Variants in PDGFD observed in about 807,000 individuals in gnomAD.
The protein encoded by PDGFD is platelet-derived growth factor D.
Under a neutral mutation model 44.7 loss-of-function variants are expected in PDGFD, and 30 were observed. The observed-to-expected ratio is 0.67, with a 90% confidence interval of 0.50 to 0.91. The LOEUF is 0.91. Ranked by LOEUF, PDGFD falls within the 40% of genes least tolerant of loss-of-function variation. PDGFD has a pLI of 0.00. For missense variants in PDGFD, 445 were observed against 457.8 expected (o/e 0.97, Z 0.25); for synonymous variants, 173 against 168.4 (o/e 1.03, Z -0.21).
chr11:104,119,109 T>TTGG (rs1861702989), intron 1 of PDGFD, among the ~76,000 whole-genome samples: 2 of 64,258 alleles, frequency 3.1e-5, no homozygotes, highest in African/African-American at 1.3e-4. Flanking sequence ...ATATAATATA[T>TTGG]TAATATAATA....
chr11:103,927,955 C>T (rs571043882), intron 5 of PDGFD, among the ~76,000 whole-genome samples: 2 of 152,336 alleles, frequency 1.3e-5, no homozygotes, highest in African/African-American at 2.4e-5. Context: ...CCCCCTCTCA[C>T]ATTCTTTTCC....
At chr11:103,919,029 A>C (rs1206297939) in intron 6 of PDGFD, among the ~76,000 whole-genome samples, 5 of 152,300 alleles carry the variant, frequency 3.3e-5, no homozygotes, top group Non-Finnish European at 7.3e-5. Context: ...GGAAGCACAC[A>C]ACCAGAAATA....
chr11:103,968,995 T>C (rs1256599324), intron 3 of PDGFD, among the ~76,000 whole-genome samples: 1 of 152,224 alleles, frequency 6.6e-6, no homozygotes. Flanking sequence ...ATTTATCTAA[T>C]TCCACTTCAT....
intron 1 of PDGFD, among the ~76,000 whole-genome samples, chr11:104,079,577 TG>T (rs1305736135): frequency 3.9e-5 from 6 of 151,952 alleles, no homozygotes; most frequent in Non-Finnish European, 8.8e-5. Flanking sequence ...TTAGTAGAGA[TG>T]GGGTTTCACT....
At chr11:104,042,682 CG>C (rs1325939517) in intron 1 of PDGFD, among the ~76,000 whole-genome samples, 2 of 152,036 alleles carry the variant, frequency 1.3e-5, no homozygotes, top group Non-Finnish European at 2.9e-5. Context: ...ATTTTTCTAC[CG>C]TTAATCAATG....
At chr11:104,002,628 T>C (rs1420899781) in intron 1 of PDGFD, among the ~76,000 whole-genome samples, 1 of 152,180 alleles carries the variant, frequency 6.6e-6, no homozygotes, top group Non-Finnish European at 1.5e-5. Flanking sequence ...GTTTTCTAGG[T>C]TGACTGATTT....
At chr11:104,017,104 G>A (rs1012036525) in intron 1 of PDGFD, among the ~76,000 whole-genome samples, 1 of 152,158 alleles carries the variant, frequency 6.6e-6, no homozygotes, top group African/African-American at 2.4e-5. Context: ...GCTCCAGAGA[G>A]ATTCCTAAAC....
chr11:104,026,453 T>A (rs113542980), intron 1 of PDGFD, among the ~76,000 whole-genome samples: 1 of 151,654 alleles, frequency 6.6e-6, no homozygotes, highest in African/African-American at 2.4e-5. Flanking sequence ...GACATATAGT[T>A]TATAAATATA....
chr11:104,043,557 A>G (rs1216643542), intron 1 of PDGFD, among the ~76,000 whole-genome samples: 1 of 152,178 alleles, frequency 6.6e-6, no homozygotes, highest in African/African-American at 2.4e-5. Flanking sequence ...CAATTGTACT[A>G]GTTCATATTG....
At chr11:104,074,926 T>G (rs1860933539) in intron 1 of PDGFD, among the ~76,000 whole-genome samples, 1 of 152,200 alleles carries the variant, frequency 6.6e-6, no homozygotes, top group African/African-American at 2.4e-5. Context: ...ATAAATTATT[T>G]AATTAGATAA....
intron 1 of PDGFD, among the ~76,000 whole-genome samples, chr11:104,140,127 G>C (rs1285174037): frequency 6.6e-6 from 1 of 152,042 alleles, no homozygotes; most frequent in Admixed American, 6.6e-5. Flanking sequence ...AAAAACCAAA[G>C]GAAATACCAG....
intron 5 of PDGFD, among the ~76,000 whole-genome samples, chr11:103,937,284 G>GAAAAC (rs1465073281): frequency 6.6e-6 from 1 of 152,062 alleles, no homozygotes; most frequent in East Asian, 1.9e-4. Context: ...CACAAGCTTT[G>GAAAAC]AAAACAGGTT....
chr11:103,996,157 T>G lies in PDGFD; in HGVS notation c.418A>C (p.Ile140Leu). The G allele has an allele frequency of 6.2e-7, 1 of 1,613,764 alleles. No homozygotes were observed. The highest frequency in any genetic ancestry group is 8.5e-7 in the Non-Finnish European group (1 of 1,179,762). Reference sequence around the variant, plus strand: ...TTAATTTGGTTCGTTCTTGATTTTATCCTTGGAGGAACTTCCTTGTGTCCA... The same window carrying G: ...TTAATTTGGTTCGTTCTTGATTTTAGCCTTGGAGGAACTTCCTTGTGTCCA... ...WCGHKEVPPR[I>L]KSRTNQIKIT... The change falls in exon 3 of 7, where the codon ATA becomes CTA. Residue 140 changes from isoleucine (I) to leucine (L), a missense_variant. Physicochemically the swap from Ile to Leu is conservative, Grantham distance 5. Coordinates refer to ENST00000393158, the MANE Select transcript of PDGFD (RefSeq NM_025208.5).
At chr11:103,992,899 C>T (rs1301324121) in intron 3 of PDGFD, among the ~76,000 whole-genome samples, 3 of 152,104 alleles carry the variant, frequency 2.0e-5, no homozygotes, top group Non-Finnish European at 4.4e-5. Context: ...TGTCCAGGTA[C>T]ACCTGGAGAG....
intron 3 of PDGFD, among the ~76,000 whole-genome samples, chr11:103,970,208 A>G (rs543543442): frequency 2.6e-5 from 4 of 152,190 alleles, no homozygotes; most frequent in Non-Finnish European, 4.4e-5. Flanking sequence ...GAGAACATAT[A>G]AATTAGTGAA....
chr11:104,032,118 T>C (rs548806201), intron 1 of PDGFD, among the ~76,000 whole-genome samples: 25 of 151,954 alleles, frequency 1.6e-4, no homozygotes, highest in African/African-American at 5.8e-4. Context: ...GAAACAAACC[T>C]GCACATCCTG....
At chr11:103,927,178 G>C (rs747646940) in intron 5 of PDGFD, 52 bp from the exon 6 acceptor site, 8 of 1,498,338 alleles carry the variant, frequency 5.3e-6, no homozygotes, top group Non-Finnish European at 7.4e-6. Flanking sequence ...AAGCACAATT[G>C]CTCAGCATGT....
rs1411217415 is a variant in PDGFD at position 104,002,961 on chromosome 11, T to C, written c.125-2706A>G. 5.3e-5 allele frequency among the ~76,000 whole-genome samples: 8 copies of C among 152,356 alleles called. No homozygotes were observed. In the South Asian group the frequency reaches 8.3e-4, roughly 16 times the overall value. ...CTCAGGTATTCAGATTCCTCATTTG[T>C]ATAAGTGAATTGAGCATCACATTTT... is the stretch of plus-strand genomic sequence containing the variant. On this transcript the variant is annotated intron_variant, in intron 1 of 6. Transcript: ENST00000393158.
At chr11:104,100,557 C>T (rs932142321) in intron 1 of PDGFD, among the ~76,000 whole-genome samples, 1 of 152,014 alleles carries the variant, frequency 6.6e-6, no homozygotes, top group South Asian at 2.1e-4. Flanking sequence ...TGGTACCATT[C>T]CAATCAAAAG....
Sources: gnomAD v4.1 joint callset for allele counts (sites outside exome capture counted in the v4.1 genomes callset) on GRCh38, gnomAD v4.1.1 for gene constraint, MANE v1.5 for transcripts, NCBI Gene and HGNC (gene_info 2026-07-23, HGNC 2026-07-21) for gene names.